Variants in NLGN4X observed in about 807,000 individuals in gnomAD.
The protein encoded by NLGN4X is neuroligin 4 X-linked.
A neutral mutation model predicts 40.3 loss-of-function variants in NLGN4X; 3 were observed. The observed-to-expected ratio is 0.07, with a 90% CI of 0.03 to 0.19. The LOEUF is 0.19. Ranked by LOEUF, NLGN4X falls within the 10% of genes least tolerant of loss-of-function variation. The probability of loss-of-function intolerance (pLI) is 1.00; values close to 1 mark genes in which losing one functional copy is unlikely to be tolerated. For synonymous variants in NLGN4X, 270 were observed against 306.8 expected (o/e 0.88, Z 1.25); for missense variants, 382 against 708.3 (o/e 0.54, Z 5.23).
At chrX:5,986,185 A>C (rs2035526506) in intron 3 of NLGN4X, among the ~76,000 whole-genome samples, 1 of 111,906 alleles carries the variant, frequency 8.9e-6, no homozygotes, top group Admixed American at 9.5e-5. Flanking sequence ...ACCATCGCAA[A>C]ATAAACACTT....
At chrX:6,226,323 G>GC (rs1156833858) in intron 1 of NLGN4X, among the ~76,000 whole-genome samples, 1 of 102,172 alleles carries the variant, frequency 9.8e-6, no homozygotes, top group Non-Finnish European at 2.0e-5. Flanking sequence ...CCGCAGTCCG[G>GC]AAAAAAAAAA....
intron 2 of NLGN4X, among the ~76,000 whole-genome samples, chrX:6,043,993 C>T (rs749621173): frequency 1.8e-5 from 2 of 110,849 alleles, no homozygotes; most frequent in African/African-American, 3.3e-5. Context: ...GGAGGCTGGG[C>T]GCAGTGGCTC....
At chrX:6,105,918 T>C (rs1191369593) in intron 2 of NLGN4X, among the ~76,000 whole-genome samples, 1 of 111,925 alleles carries the variant, frequency 8.9e-6, no homozygotes, top group African/African-American at 3.3e-5. Flanking sequence ...TATTTTCCAC[T>C]GACCACCAAC....
At chrX:5,992,387 C>G (rs1375763181) in intron 3 of NLGN4X, among the ~76,000 whole-genome samples, 1 of 111,520 alleles carries the variant, frequency 9.0e-6, no homozygotes, top group Admixed American at 9.6e-5. Context: ...AGGAGGACCG[C>G]TTGAGGTCAG....
chrX:6,124,511 G>A (rs766881635), intron 2 of NLGN4X, among the ~76,000 whole-genome samples: 6 of 111,504 alleles, frequency 5.4e-5, no homozygotes, highest in African/African-American at 1.6e-4. Flanking sequence ...GTGAAACCGC[G>A]TCTCTACTAA....
At chrX:6,095,029 A>T (rs112614759) in intron 2 of NLGN4X, among the ~76,000 whole-genome samples, 21,820 of 108,321 alleles carry the variant, frequency 0.2, 1,903 homozygotes, top group South Asian at 0.26. Context: ...CTGCTATGAA[A>T]AGAGTTCCAT....
intron 3 of NLGN4X, among the ~76,000 whole-genome samples, chrX:6,025,867 G>A (rs1453417981): frequency 9.6e-6 from 1 of 104,107 alleles, no homozygotes; most frequent in Non-Finnish European, 1.9e-5. Context: ...TCATGCCACT[G>A]CCCTCCAGCC....
chrX:6,193,142 C>A (rs1389745164), intron 1 of NLGN4X, among the ~76,000 whole-genome samples: 1 of 110,593 alleles, frequency 9.0e-6, no homozygotes, highest in Admixed American at 9.5e-5. Context: ...CCTCCCTGGG[C>A]CGGGCGCGGT....
At chrX:6,188,214 TA>T (rs2147823566) in intron 1 of NLGN4X, among the ~76,000 whole-genome samples, 1 of 112,383 alleles carries the variant, frequency 8.9e-6, no homozygotes, top group African/African-American at 3.2e-5. Context: ...GTCCATCAAG[TA>T]CTAATTTTAA....
chrX:5,986,966 A>G (rs1459819609), intron 3 of NLGN4X, among the ~76,000 whole-genome samples: 1 of 112,342 alleles, frequency 8.9e-6, no homozygotes, highest in African/African-American at 3.2e-5. Context: ...CAGCAATTCC[A>G]TAATGGTATA....
intron 3 of NLGN4X, among the ~76,000 whole-genome samples, chrX:5,921,912 T>C (rs894664450): frequency 6.3e-5 from 7 of 111,041 alleles, no homozygotes; most frequent in Non-Finnish European, 1.3e-4. Flanking sequence ...GGTCTGTCTT[T>C]AGTGAGGCGG....
At chrX:5,952,816 T>G (rs1202902341) in intron 3 of NLGN4X, among the ~76,000 whole-genome samples, 2 of 110,712 alleles carry the variant, frequency 1.8e-5, no homozygotes, top group Non-Finnish European at 3.8e-5. Context: ...GCCCTCAGGT[T>G]TTGCATGCCC....
chrX:6,019,738 T>C (rs1326062499), intron 3 of NLGN4X, among the ~76,000 whole-genome samples: 1 of 111,329 alleles, frequency 9.0e-6, no homozygotes, highest in African/African-American at 3.3e-5. Context: ...CATCAACCTT[T>C]CACATACTGG....
intron 2 of NLGN4X, among the ~76,000 whole-genome samples, chrX:6,069,591 T>C (rs2038009741): frequency 8.9e-6 from 1 of 112,350 alleles, no homozygotes; most frequent in African/African-American, 3.2e-5. Context: ...TCCAGAAACA[T>C]AAAGTGCTTG....
At chrX:5,950,658 T>TTA (rs2034278236) in intron 3 of NLGN4X, among the ~76,000 whole-genome samples, 3 of 112,322 alleles carry the variant, frequency 2.7e-5, no homozygotes, top group African/African-American at 9.7e-5. Flanking sequence ...GGACTCTAAA[T>TTA]GTTACTTAAA....
intron 1 of NLGN4X, among the ~76,000 whole-genome samples, chrX:6,225,403 T>C (rs1364510039): frequency 9.1e-6 from 1 of 109,407 alleles, no homozygotes; most frequent in Non-Finnish European, 1.9e-5. Context: ...GCAGATTTCT[T>C]TGCTATCTGA....
At chrX:6,216,192 T>C (rs982012075) in intron 1 of NLGN4X, among the ~76,000 whole-genome samples, 1 of 111,488 alleles carries the variant, frequency 9.0e-6, no homozygotes, top group African/African-American at 3.3e-5. Flanking sequence ...AGAGAGAATT[T>C]TTTTCCTGTC....
intron 1 of NLGN4X, among the ~76,000 whole-genome samples, chrX:6,197,837 G>T (rs1026919574): frequency 9.1e-6 from 1 of 110,224 alleles, no homozygotes; most frequent in Non-Finnish European, 1.9e-5. Context: ...GCTGAGGAGG[G>T]AGGATTGCTT....
intron 3 of NLGN4X, among the ~76,000 whole-genome samples, chrX:5,919,953 T>C (rs146451951): frequency 0.019 from 2,072 of 111,922 alleles, 48 homozygotes; most frequent in African/African-American, 0.062. Flanking sequence ...TCTGAGTTCT[T>C]CATGGTGTCT....
Sources: allele counts gnomAD v4.1 joint callset (sites outside exome capture counted in the v4.1 genomes callset), GRCh38; gene constraint gnomAD v4.1.1; transcripts MANE v1.5; gene names NCBI Gene and HGNC (gene_info 2026-07-23, HGNC 2026-07-21).